Variants in LGMN observed in about 807,000 individuals in gnomAD.
LGMN encodes the protein asparaginyl endopeptidase.
A neutral mutation model predicts 56.8 loss-of-function variants in LGMN; 36 were observed. That is an observed-to-expected ratio of 0.63 (90% CI 0.49 to 0.84). The LOEUF (loss-of-function observed/expected upper bound fraction) is 0.84. Among genes scored for constraint, LGMN ranks in the 40% least tolerant of loss-of-function variants. LGMN has a pLI of 0.00. For missense variants in LGMN, 446 were observed against 556.1 expected, an observed-to-expected ratio of 0.80 and a Z score of 1.99; for synonymous variants, 199 against 210.1, an observed-to-expected ratio of 0.95 and a Z score of 0.46.
intron 2 of LGMN, among the ~76,000 whole-genome samples, chr14:92,730,669 G>A (rs1295484560): frequency 6.6e-6 from 1 of 152,172 alleles, no homozygotes; most frequent in East Asian, 1.9e-4. Context: ...TTAAGGCCGG[G>A]CATGGTGGCT....
intron 2 of LGMN, among the ~76,000 whole-genome samples, chr14:92,719,762 G>C (rs1890362127): frequency 6.6e-6 from 1 of 152,222 alleles, no homozygotes; most frequent in Admixed American, 6.5e-5. Flanking sequence ...CCACGCAAGG[G>C]TGAAGACAGG....
intron 5 of LGMN, 54 bp downstream of exon 5, chr14:92,716,082 A>G (rs761635831): frequency 2.3e-5 from 28 of 1,199,228 alleles, no homozygotes; most frequent in Middle Eastern, 3.9e-4. Flanking sequence ...TCAATTCTCT[A>G]TACGGGGGTC....
intron 1 of LGMN, among the ~76,000 whole-genome samples, chr14:92,746,472 G>GGT (rs1891825259): frequency 6.6e-6 from 1 of 152,178 alleles, no homozygotes; most frequent in Admixed American, 6.6e-5. Flanking sequence ...GCTGTGGTAT[G>GGT]GTGTATTCTA....
intron 1 of LGMN, among the ~76,000 whole-genome samples, chr14:92,734,087 T>C (rs1188906887): frequency 6.6e-6 from 1 of 152,268 alleles, no homozygotes; most frequent in African/African-American, 2.4e-5. Context: ...GGATGAGCTA[T>C]AGTCAAACAT....
At position 92,711,692 on chromosome 14, in the gene LGMN, G is replaced by C. The variant is rs769796930; in HGVS notation, c.786C>G (p.Thr262=). The C allele has an allele frequency of 3.7e-6, 6 of 1,614,114 alleles. No individual in the cohort carries two copies. The African/African-American group carries it at 4.0e-5, about 11-fold the overall frequency. ...CATACTGCATGACGTGGCTGGTGTTGGTGTGCGATTTTACCAGGTGGTACT... is the reference window on the plus strand; with the variant it reads ...CATACTGCATGACGTGGCTGGTGTTCGTGTGCGATTTTACCAGGTGGTACT... The part of the protein sequence containing the change: ...HKQYHLVKSH[T]NTSHVMQYGN... The change falls in exon 10 of 14, where the codon ACC becomes ACG. Residue 262 remains threonine (T), a synonymous_variant. Transcript: ENST00000334869.
At chr14:92,746,232 G>T (rs1010710241) in intron 1 of LGMN, among the ~76,000 whole-genome samples, 3 of 152,120 alleles carry the variant, frequency 2.0e-5, no homozygotes, top group Admixed American at 1.3e-4. Flanking sequence ...GCATTTCCTG[G>T]ATTACAAGAA....
chr14:92,714,437 T>A lies in LGMN; in HGVS notation c.419A>T (p.His140Leu), dbSNP rs751196491. ...GKVLKSGPQD[H>L]VFIYFTDHGS... Reference sequence around the variant, plus strand: ...ATGGTCAGTGAAGTAAATGAACACGTGATCCTGGGGGCCACTGCCAAGAAG... The same window carrying A: ...ATGGTCAGTGAAGTAAATGAACACGAGATCCTGGGGGCCACTGCCAAGAAG... Residue 140 changes from histidine to leucine, a missense_variant, in exon 6 of 14, where the codon CAC becomes CTC. Physicochemically the swap from His to Leu is moderately conservative, Grantham distance 99 (BLOSUM62 -3). Coordinates refer to ENST00000334869, the MANE Select transcript of LGMN (RefSeq NM_005606.7). The surrounding 1 kb of genome is among the most constrained non-coding windows in gnomAD (Gnocchi z 5.1). 9.3e-6 allele frequency: 15 copies of A among 1,610,384 alleles called. 1 individual carries two copies. Among genetic ancestry groups the A allele is most frequent in the Non-Finnish European group, 1.3e-5 (15 of 1,176,784 alleles).
rs1373201215 is a variant in LGMN at position 92,714,039 on chromosome 14, T to C, written c.481-154A>G. 1.3e-5 allele frequency among the ~76,000 whole-genome samples: 2 copies of C among 152,166 alleles called. No individual in the cohort carries two copies. Among genetic ancestry groups the C allele is most frequent in the Non-Finnish European group, 2.9e-5 (2 of 68,032 alleles). On this transcript the variant is annotated intron_variant, in intron 6 of 13. Transcript: ENST00000334869. The surrounding 1 kb of genome is among the most constrained non-coding windows in gnomAD (Gnocchi z 5.1). ...AACATAACCCCAGAATGTCGTCACA[T>C]GTTTTATGCACGCATTTAAAAAGGG...
chr14:92,712,914 C>T (rs763081124), intron 7 of LGMN, 43 bp from the exon 8 acceptor site: 11 of 1,576,168 alleles, frequency 7.0e-6, no homozygotes, highest in East Asian at 4.5e-5. Flanking sequence ...CATCCAGGTA[C>T]GGGCCTCCAG....
At chr14:92,718,690 C>CT in intron 3 of LGMN, 57 bp downstream of exon 3, 3 of 1,208,282 alleles carry the variant, frequency 2.5e-6, no homozygotes, top group Middle Eastern at 3.8e-4. Context: ...TCTATGTGAC[C>CT]TTTTTTTAAA....
intron 12 of LGMN, 43 bp from the exon 13 acceptor site, chr14:92,704,750 C>T (rs1251862453): frequency 6.8e-7 from 1 of 1,463,910 alleles, no homozygotes; most frequent in Non-Finnish European, 9.6e-7. Context: ...CCTCATCTCA[C>T]CACACAATCC....
intron 13 of LGMN, 118 bp downstream of exon 13, chr14:92,704,522 G>A (rs1889324974): frequency 9.2e-7 from 1 of 1,089,260 alleles, no homozygotes; most frequent in South Asian, 1.3e-5. Flanking sequence ...TGGCTGTAGA[G>A]GAAAGCTGGA....
intron 11 of LGMN, 23 bp downstream of exon 11, chr14:92,709,649 C>T (rs1195687663): frequency 5.0e-6 from 8 of 1,607,418 alleles, no homozygotes; most frequent in Admixed American, 1.7e-5. Flanking sequence ...CACCTGGGCA[C>T]AGCTCCTTTC....
At chr14:92,739,767 G>A (rs1459462532) in intron 1 of LGMN, among the ~76,000 whole-genome samples, 1 of 152,170 alleles carries the variant, frequency 6.6e-6, no homozygotes, top group Non-Finnish European at 1.5e-5. Flanking sequence ...TGTCTAGCTG[G>A]ATCAATTACA....
In LGMN at chr14:92,714,366, G is replaced by T; in HGVS notation, c.480+10C>A. On this transcript the variant is annotated intron_variant, in intron 6 of 13. Transcript: ENST00000334869. This position sits in a 1 kb window ranked among gnomAD's most constrained non-coding sequence, Gnocchi z 5.1. ...TGCTAGTTTGTCCTTAAAACGTTAA[G>T]AAAACTCACATCTTCATTGGGAAAA... 6.3e-7 allele frequency: 1 copy of T among 1,581,126 alleles called. No individual in the cohort carries two copies.
intron 11 of LGMN, among the ~76,000 whole-genome samples, chr14:92,706,936 T>A (rs556999781): frequency 7.2e-5 from 11 of 152,298 alleles, no homozygotes; most frequent in African/African-American, 2.4e-4. Context: ...GCAGAACCTG[T>A]GCCCCAAAGC....
intron 12 of LGMN, among the ~76,000 whole-genome samples, chr14:92,705,829 T>G (rs1889401427): frequency 1.3e-5 from 2 of 152,160 alleles, no homozygotes; most frequent in Non-Finnish European, 2.9e-5. Flanking sequence ...GGTCTTACCA[T>G]GTTGGCCAGG....
chr14:92,724,716 C>T (rs1252799380), intron 2 of LGMN, among the ~76,000 whole-genome samples: 4 of 152,306 alleles, frequency 2.6e-5, no homozygotes, highest in East Asian at 1.9e-4. Flanking sequence ...CTGGGAGTTC[C>T]GCTGGTCTTC....
At chr14:92,716,088 G>T (rs1422187402) in intron 5 of LGMN, 48 bp downstream of exon 5, 9 of 1,256,616 alleles carry the variant, frequency 7.2e-6, no homozygotes, top group African/African-American at 1.5e-5. Context: ...CTCTATACGG[G>T]GGTCCCAAGC....
Sources: allele counts gnomAD v4.1 joint callset (sites outside exome capture counted in the v4.1 genomes callset), GRCh38; gene constraint gnomAD v4.1.1; non-coding constraint Gnocchi (gnomAD v3.1); transcripts MANE v1.5; gene names NCBI Gene and HGNC (gene_info 2026-07-23, HGNC 2026-07-21).